Variants in DOK6 observed in about 807,000 individuals in gnomAD.
DOK6 encodes downstream of tyrosine kinase 6.
In DOK6, 22 loss-of-function variants were observed where a neutral mutation model predicts 44.0. That is an observed-to-expected ratio of 0.50 (90% confidence interval 0.36 to 0.71). DOK6 has a LOEUF of 0.71. Ranked by LOEUF, DOK6 falls within the 30% of genes least tolerant of loss-of-function variation. The pLI is 0.00. For synonymous variants in DOK6, 166 were observed against 145.5 expected, an observed-to-expected ratio of 1.14 and a Z score of -1.01; for missense variants, 340 against 416.4, an observed-to-expected ratio of 0.82 and a Z score of 1.60.
intron 5 of DOK6, among the ~76,000 whole-genome samples, chr18:69,733,799 T>C (rs1360180736): frequency 1.3e-5 from 2 of 152,180 alleles, no homozygotes; most frequent in African/African-American, 2.4e-5. Context: ...TTATCATTCT[T>C]CACTGTATAC....
In DOK6 at chr18:69,641,441, G is replaced by T. The variant is rs138921433; in HGVS notation, c.290-36293G>T. Among the ~76,000 whole-genome samples the T allele has an allele frequency of 7.9e-3, 1,198 of 152,246 alleles. 15 individuals are homozygous for T. Among genetic ancestry groups the T allele is most frequent in the Non-Finnish European group, 0.011 (737 of 68,024 alleles). The stretch of plus-strand genomic sequence containing the variant: ...CTAATTAATGTTATTGGAAAAATTG[G>T]ATAAAAATTTAGACTCTGGAGCCAC... On this transcript the variant is annotated intron_variant, in intron 3 of 7. Transcript: ENST00000382713.
chr18:69,520,130 A>G (rs957231650), intron 1 of DOK6, among the ~76,000 whole-genome samples: 1 of 151,982 alleles, frequency 6.6e-6, no homozygotes, highest in African/African-American at 2.4e-5. Flanking sequence ...AAAACTTGAC[A>G]TTTATTATTA....
intron 7 of DOK6, among the ~76,000 whole-genome samples, chr18:69,761,927 A>G (rs1979569323): frequency 6.6e-6 from 1 of 152,306 alleles, no homozygotes; most frequent in Admixed American, 6.5e-5. Flanking sequence ...TTCAGAAGAA[A>G]GAATTCTACT....
At chr18:69,637,616 A>G (rs1984838798) in intron 3 of DOK6, among the ~76,000 whole-genome samples, 2 of 152,200 alleles carry the variant, frequency 1.3e-5, no homozygotes, top group African/African-American at 4.8e-5. Context: ...CTTAGAGAAT[A>G]TCTAATCTAT....
chr18:69,514,859 C>G (rs1474411557), intron 1 of DOK6, among the ~76,000 whole-genome samples: 1 of 141,212 alleles, frequency 7.1e-6, no homozygotes, highest in Non-Finnish European at 1.6e-5. Flanking sequence ...TTTGAAGAAA[C>G]AGATGCTTGC....
intron 5 of DOK6, among the ~76,000 whole-genome samples, chr18:69,709,611 A>G (rs553115089): frequency 5.1e-4 from 78 of 152,278 alleles, no homozygotes; most frequent in South Asian, 1.2e-3. Flanking sequence ...TTACATACAC[A>G]TATCATATTA....
intron 1 of DOK6, among the ~76,000 whole-genome samples, chr18:69,541,251 A>T (rs1043738160): frequency 3.7e-4 from 56 of 151,400 alleles, no homozygotes; most frequent in African/African-American, 1.3e-3. Flanking sequence ...ATTGCAGACT[A>T]CTGTAATTTG....
intron 1 of DOK6, among the ~76,000 whole-genome samples, chr18:69,517,903 C>T (rs1346793310): frequency 6.6e-6 from 1 of 152,124 alleles, no homozygotes; most frequent in African/African-American, 2.4e-5. Flanking sequence ...GCTAGATTTT[C>T]TCTACATCAA....
intron 6 of DOK6, among the ~76,000 whole-genome samples, chr18:69,750,228 G>C (rs1050698993): frequency 1.3e-5 from 2 of 151,902 alleles, no homozygotes; most frequent in African/African-American, 4.8e-5. Context: ...TTATTCATTT[G>C]GAAGGGTAGG....
chr18:69,562,237 G>A (rs553393494), intron 1 of DOK6, among the ~76,000 whole-genome samples: 29 of 152,172 alleles, frequency 1.9e-4, no homozygotes, highest in Non-Finnish European at 3.4e-4. Flanking sequence ...ATAAAGGCAA[G>A]GTTCAGAAAT....
chr18:69,403,149 A>C (rs1413481861), intron 1 of DOK6, among the ~76,000 whole-genome samples: 3 of 152,176 alleles, frequency 2.0e-5, no homozygotes, highest in Non-Finnish European at 4.4e-5. Context: ...CCCAGACAAG[A>C]TGTATGTCTG....
intron 3 of DOK6, among the ~76,000 whole-genome samples, chr18:69,664,734 C>T (rs561426326): frequency 6.6e-6 from 1 of 152,158 alleles, no homozygotes; most frequent in South Asian, 2.1e-4. Flanking sequence ...CTCTGACTAC[C>T]CACAATGTGC....
At chr18:69,561,900 A>T (rs947197595) in intron 1 of DOK6, among the ~76,000 whole-genome samples, 4 of 152,004 alleles carry the variant, frequency 2.6e-5, no homozygotes, top group Admixed American at 6.6e-5. Context: ...AAGGAATTAT[A>T]TTATCTAGGC....
chr18:69,732,061 C>T (rs957042100), intron 5 of DOK6, among the ~76,000 whole-genome samples: 1 of 152,144 alleles, frequency 6.6e-6, no homozygotes, highest in South Asian at 2.1e-4. Flanking sequence ...CACCATTCTT[C>T]AAAACAATGT....
At chr18:69,440,219 A>G (rs1031144515) in intron 1 of DOK6, among the ~76,000 whole-genome samples, 2 of 152,190 alleles carry the variant, frequency 1.3e-5, no homozygotes, top group South Asian at 4.1e-4. Context: ...GGCATGGTTT[A>G]TGGTGCCAAA....
chr18:69,698,576 C>T lies in DOK6; in HGVS notation c.582C>T (p.Phe194=). The stretch of plus-strand genomic sequence containing the variant: ...GATACGGTCGGGACTCAACGTGGTT[C>T]ACGTTTGAGTCAGGAAGGTAAGATC... The part of the protein sequence containing the change: ...LRRYGRDSTW[F]TFESGRMCDT... Residue 194 remains phenylalanine (F), a synonymous_variant, in exon 5 of 8, where the codon TTC becomes TTT. Coordinates refer to ENST00000382713, the MANE Select transcript of DOK6 (RefSeq NM_152721.6). 6.2e-7 allele frequency: 1 copy of T among 1,613,584 alleles called. No individual in the cohort carries two copies. The highest frequency in any genetic ancestry group is 8.5e-7 in the Non-Finnish European group (1 of 1,179,822).
chr18:69,471,983 G>A (rs967646576), intron 1 of DOK6, among the ~76,000 whole-genome samples: 5 of 152,150 alleles, frequency 3.3e-5, no homozygotes, highest in African/African-American at 1.2e-4. Flanking sequence ...ATAAGTAGTA[G>A]CATTACTGTT....
At chr18:69,404,098 T>G (rs1482295047) in intron 1 of DOK6, among the ~76,000 whole-genome samples, 1 of 152,216 alleles carries the variant, frequency 6.6e-6, no homozygotes, top group East Asian at 1.9e-4. Flanking sequence ...AAAAAAGGCC[T>G]GGATATGAGG....
chr18:69,645,159 C>CCACACA lies in DOK6; in HGVS notation c.290-32573_290-32572insCACACA, dbSNP rs1437229382. Among the ~76,000 whole-genome samples, 7 of 152,220 alleles carry CCACACA rather than the reference C, an allele frequency of 4.6e-5. No homozygotes were observed. In the East Asian group the frequency reaches 1.4e-3, roughly 29 times the overall value. On this transcript the variant is annotated intron_variant, in intron 3 of 7. Transcript: ENST00000382713. ...TACAATGTGTGTGTATAATTCCATG[C>CCACACA]CATTTATCACGTGTGTGGATCTGTG...
Sources: gnomAD v4.1 joint callset for allele counts (sites outside exome capture counted in the v4.1 genomes callset) on GRCh38, gnomAD v4.1.1 for gene constraint, MANE v1.5 for transcripts, NCBI Gene and HGNC (gene_info 2026-07-23, HGNC 2026-07-21) for gene names.